Variants in FGF2 observed in about 807,000 individuals in gnomAD.
FGF2 encodes the protein basic fibroblast growth factor bFGF.
A neutral mutation model predicts 15.9 loss-of-function variants in FGF2; 13 were observed. The ratio of observed to expected loss-of-function variants is 0.82; its 90% CI spans 0.53 to 1.30. The LOEUF is 1.30. Among genes scored for constraint, FGF2 ranks in the 50% most tolerant of loss-of-function variants. The pLI, the probability that FGF2 is intolerant of heterozygous loss-of-function variation, is 0.00. For synonymous variants in FGF2, 90 were observed against 78.4 expected, an observed-to-expected ratio of 1.15 and a Z score of -0.78; for missense variants, 163 against 196.9, an observed-to-expected ratio of 0.83 and a Z score of 1.03.
At chr4:122,849,264 A>G (rs1165605576) in intron 1 of FGF2, among the ~76,000 whole-genome samples, 1 of 152,242 alleles carries the variant, frequency 6.6e-6, no homozygotes, top group African/African-American at 2.4e-5. Context: ...ATGGAATACT[A>G]TGCAGCCACA....
intron 2 of FGF2, among the ~76,000 whole-genome samples, chr4:122,887,087 G>A (rs959735064): frequency 3.9e-5 from 6 of 152,222 alleles, no homozygotes; most frequent in Non-Finnish European, 2.9e-5. Context: ...AGGCTGAGGC[G>A]GGTGGACCAC....
At chr4:122,881,299 G>T (rs903966500) in intron 2 of FGF2, among the ~76,000 whole-genome samples, 10 of 152,100 alleles carry the variant, frequency 6.6e-5, no homozygotes, top group African/African-American at 2.2e-4. Flanking sequence ...ACAAATTTCT[G>T]CAGCCCACTT....
rs1727256447 is a variant in FGF2 at position 122,893,594 on chromosome 4, A to G, written c.*1198A>G. The stretch of plus-strand genomic sequence containing the variant: ...CTGCAGTTCCTTTGTTTCTTGAGAT[A>G]AGATTCCAAAGAACTTAGATTCATT... On this transcript the variant is annotated 3_prime_UTR_variant, in exon 3 of 3. Coordinates refer to ENST00000644866, the MANE Select transcript of FGF2 (RefSeq NM_001361665.2). 6.1e-6 allele frequency: 1 copy of G among 162,748 alleles called. No homozygotes were observed. Among genetic ancestry groups the G allele is most frequent in the Non-Finnish European group, 1.3e-5 (1 of 75,550 alleles). 10.1% of individuals were successfully genotyped at this position (162,748 alleles called of 1,614,324 possible). A position where few individuals can be genotyped will look rare whatever the true frequency, so the allele number is the denominator to read the frequency against.
At chr4:122,885,598 GAGTATCTAT>G (rs761746325) in intron 2 of FGF2, among the ~76,000 whole-genome samples, 7 of 152,108 alleles carry the variant, frequency 4.6e-5, no homozygotes, top group Non-Finnish European at 1.0e-4. Context: ...ATGACACAGA[GAGTATCTAT>G]ATACTCCACA....
chr4:122,880,172 G>A (rs1726933081), intron 2 of FGF2, among the ~76,000 whole-genome samples: 1 of 151,952 alleles, frequency 6.6e-6, no homozygotes, highest in African/African-American at 2.4e-5. Context: ...AGCCATCGCA[G>A]ATGGGAGAAA....
chr4:122,827,009 G>C lies in FGF2; in HGVS notation c.-166G>C. 2 of 1,218,348 alleles carry C rather than the reference G, an allele frequency of 1.6e-6. No homozygotes were observed. Among genetic ancestry groups the C allele is most frequent in the Non-Finnish European group, 2.0e-6 (2 of 980,070 alleles). The allele number at this position is 1,218,348 out of a possible 1,614,324, so 75.5% of individuals were successfully genotyped here. ...CAGAAGAGCGGCCGAGCGGCTCGAG[G>C]CTGGGGGACCGCGGGCGCGGCCGCG... On this transcript the variant is annotated 5_prime_UTR_variant, in exon 1 of 3. Coordinates refer to ENST00000644866, the MANE Select transcript of FGF2 (RefSeq NM_001361665.2). The surrounding 1 kb of genome is among the most constrained non-coding windows in gnomAD (Gnocchi z 4.2).
intron 1 of FGF2, among the ~76,000 whole-genome samples, chr4:122,856,746 T>A (rs1467756907): frequency 6.6e-6 from 1 of 152,296 alleles, no homozygotes; most frequent in East Asian, 1.9e-4. Flanking sequence ...TGTGAAACAG[T>A]AGTACAGTAT....
Position 122,892,387 on chromosome 4 carries a change from T to C in FGF2, c.459T>C (p.Ala153=). The change falls in exon 3 of 3, where the codon GCT becomes GCC. Residue 153 remains alanine, a synonymous_variant. Coordinates refer to ENST00000644866, the MANE Select transcript of FGF2 (RefSeq NM_001361665.2). Reference sequence around the variant, plus strand: ...CTATACTTTTTCTTCCAATGTCTGCTAAGAGCTGATTTTAATGGCCACATC... The same window carrying C: ...CTATACTTTTTCTTCCAATGTCTGCCAAGAGCTGATTTTAATGGCCACATC... The part of the protein sequence containing the change: ...QKAILFLPMS[A]KS 1 of 1,614,068 alleles carries C rather than the reference T, an allele frequency of 6.2e-7. No homozygotes were observed. The highest frequency in any genetic ancestry group is 8.5e-7 in the Non-Finnish European group (1 of 1,179,934).
Position 122,826,871 on chromosome 4 carries a change from C to A in FGF2, c.-304C>A. 3 of 1,522,256 alleles carry A rather than the reference C, an allele frequency of 2.0e-6. No individual in the cohort carries two copies. Among genetic ancestry groups the A allele is most frequent in the Non-Finnish European group, 2.6e-6 (3 of 1,136,910 alleles). The allele number at this position is 1,522,256 out of a possible 1,614,324, so 94.3% of individuals were successfully genotyped here. A position where few individuals can be genotyped will look rare whatever the true frequency, so the allele number is the denominator to read the frequency against. On this transcript the variant is annotated 5_prime_UTR_variant, in exon 1 of 3. Coordinates refer to ENST00000644866, the MANE Select transcript of FGF2 (RefSeq NM_001361665.2). ...GCGGTGCCCGCGGTTGCAACGGGAT[C>A]CCGGGCGCTGCAGCTTGGGAGGCGG...
chr4:122,856,004 G>A (rs1413594717), intron 1 of FGF2, among the ~76,000 whole-genome samples: 1 of 152,130 alleles, frequency 6.6e-6, no homozygotes, highest in Non-Finnish European at 1.5e-5. Flanking sequence ...AGAGCTCATG[G>A]TGGCAGGATA....
intron 1 of FGF2, among the ~76,000 whole-genome samples, chr4:122,831,477 C>A (rs192693531): frequency 2.0e-5 from 3 of 152,280 alleles, no homozygotes; most frequent in Admixed American, 6.5e-5. Context: ...TAGATTCTCT[C>A]CCCCCACCTC....
rs576914614 is a variant in FGF2 at position 122,896,933 on chromosome 4, A to G, written c.*4537A>G. 7.2e-5 allele frequency: 11 copies of G among 152,330 alleles called. No homozygotes were observed. Among genetic ancestry groups the G allele is most frequent in the African/African-American group, 2.6e-4 (11 of 41,594 alleles). The allele number at this position is 152,330 out of a possible 1,614,324, so 9.4% of individuals were successfully genotyped here. A position where few individuals can be genotyped will look rare whatever the true frequency, so the allele number is the denominator to read the frequency against. ...CATGATACACATTGAATTTGATCCA[A>G]TAGTTTAAGGAATAGGTAGGAAAAT... On this transcript the variant is annotated 3_prime_UTR_variant, in exon 3 of 3. Coordinates refer to ENST00000644866, the MANE Select transcript of FGF2 (RefSeq NM_001361665.2).
At chr4:122,841,145 A>T (rs1725976138) in intron 1 of FGF2, among the ~76,000 whole-genome samples, 1 of 152,236 alleles carries the variant, frequency 6.6e-6, no homozygotes, top group East Asian at 1.9e-4. Context: ...TTTCTTCAAG[A>T]GAGTCTAGAG....
intron 1 of FGF2, among the ~76,000 whole-genome samples, chr4:122,847,756 C>A (rs1030734803): frequency 6.6e-6 from 1 of 152,200 alleles, no homozygotes; most frequent in Admixed American, 6.5e-5. Context: ...TCTGGAGACC[C>A]AGGGCAAAGC....
intron 1 of FGF2, among the ~76,000 whole-genome samples, chr4:122,876,091 G>A (rs1003603262): frequency 2.6e-5 from 4 of 152,052 alleles, no homozygotes; most frequent in Non-Finnish European, 4.4e-5. Flanking sequence ...ACACAGGAGC[G>A]ACAAGGAACT....
intron 1 of FGF2, among the ~76,000 whole-genome samples, chr4:122,860,378 T>G (rs907626872): frequency 6.6e-6 from 1 of 151,784 alleles, no homozygotes; most frequent in Admixed American, 6.6e-5. Context: ...TAATTTTAGA[T>G]CTACAGAAGA....
rs145659915 is a variant in FGF2 at position 122,854,599 on chromosome 4, C to G, written c.179-21722C>G. Reference sequence around the variant, plus strand: ...AGAGGTCCTGTTTTCTTACTGAAGACTTTCAGGCAAAGGAGCCGTTTCCAA... The same window carrying G: ...AGAGGTCCTGTTTTCTTACTGAAGAGTTTCAGGCAAAGGAGCCGTTTCCAA... On this transcript the variant is annotated intron_variant, in intron 1 of 2. Transcript: ENST00000644866. Among the ~76,000 whole-genome samples, 254 of 152,310 alleles carry G rather than the reference C, an allele frequency of 1.7e-3. 3 individuals carry two copies. The highest frequency in any genetic ancestry group is 5.7e-3 in the African/African-American group (236 of 41,574).
chr4:122,854,979 C>G (rs549695911), intron 1 of FGF2, among the ~76,000 whole-genome samples: 4 of 152,094 alleles, frequency 2.6e-5, no homozygotes, highest in Non-Finnish European at 5.9e-5. Flanking sequence ...CCCCAAAGCT[C>G]CTCCTCCTCC....
intron 1 of FGF2, among the ~76,000 whole-genome samples, chr4:122,830,924 G>C (rs1228855957): frequency 6.6e-6 from 1 of 151,688 alleles, no homozygotes; most frequent in Non-Finnish European, 1.5e-5. Context: ...TTGCTTGCAG[G>C]CTCCAGAGGA....
Sources: allele counts gnomAD v4.1 joint callset (sites outside exome capture counted in the v4.1 genomes callset), GRCh38; gene constraint gnomAD v4.1.1; non-coding constraint Gnocchi (gnomAD v3.1); transcripts MANE v1.5; gene names NCBI Gene and HGNC (gene_info 2026-07-23, HGNC 2026-07-21).